The following EFR3B variants were observed in gnomAD, a reference collection of about 807,000 sequenced individuals.
EFR3B encodes the protein protein EFR3 homolog B.
A neutral mutation model predicts 104.7 loss-of-function variants in EFR3B; 64 were observed. That is an observed-to-expected ratio of 0.61 (90% CI 0.50 to 0.75). The LOEUF is 0.75. Among genes scored for constraint, EFR3B ranks in the 30% least tolerant of loss-of-function variants. The probability of loss-of-function intolerance (pLI) is 0.00; values close to 1 mark genes in which losing one functional copy is unlikely to be tolerated. For missense variants in EFR3B, 750 were observed against 1,078.5 expected (o/e 0.70, Z 4.27); for synonymous variants, 385 against 417.9 (o/e 0.92, Z 0.96).
chr2:25,133,468 T>G, intron 12 of EFR3B, 34 bp downstream of exon 12: 1 of 1,548,624 alleles, frequency 6.5e-7, no homozygotes, highest in South Asian at 1.2e-5. Context: ...CTGCTCTTCC[T>G]CTGCAGGAGA....
chr2:25,135,756 G>A, intron 13 of EFR3B, 117 bp downstream of exon 13: 1 of 1,207,694 alleles, frequency 8.3e-7, no homozygotes, highest in South Asian at 1.5e-5. Flanking sequence ...TGAGTATTGT[G>A]GGATCTGAGT....
chr2:25,080,184 CT>C, intron 1 of EFR3B: 1 of 1,547,760 alleles, frequency 6.5e-7, no homozygotes, highest in Non-Finnish European at 8.8e-7. Context: ...TAGCCAGTAC[CT>C]TTTTATCTGA....
chr2:25,103,864 T>C, intron 4 of EFR3B, 77 bp downstream of exon 4: 1 of 1,520,196 alleles, frequency 6.6e-7, no homozygotes, highest in Non-Finnish European at 8.9e-7. Flanking sequence ...GACCTCGGGG[T>C]CGGCACTGTC....
intron 1 of EFR3B, among the ~76,000 whole-genome samples, chr2:25,062,566 G>A (rs567486675): frequency 1.2e-4 from 19 of 152,318 alleles, no homozygotes; most frequent in Non-Finnish European, 1.8e-4. Context: ...GTGCCAGCCC[G>A]CACCAGGGCT....
At chr2:25,047,054 G>T (rs1273314713) in intron 1 of EFR3B, among the ~76,000 whole-genome samples, 1 of 152,120 alleles carries the variant, frequency 6.6e-6, no homozygotes, top group Admixed American at 6.5e-5. Flanking sequence ...TTTCTCTCTT[G>T]CTGCTCACAG....
chr2:25,095,256 TTG>T, intron 3 of EFR3B, among the ~76,000 whole-genome samples: 1 of 152,340 alleles, frequency 6.6e-6, no homozygotes, highest in South Asian at 2.1e-4. Flanking sequence ...TCAATAAAAA[TTG>T]TGTTTATAAA....
intron 1 of EFR3B, among the ~76,000 whole-genome samples, chr2:25,046,087 T>A (rs1199037986): frequency 6.6e-6 from 1 of 152,072 alleles, no homozygotes; most frequent in East Asian, 1.9e-4. Flanking sequence ...GTGAACAACT[T>A]TTTGAAAATG....
chr2:25,140,652 T>G (rs1288020104), intron 16 of EFR3B, among the ~76,000 whole-genome samples: 2 of 152,212 alleles, frequency 1.3e-5, no homozygotes, highest in Non-Finnish European at 2.9e-5. Context: ...AAGATGTCAC[T>G]GTCCATCAGG....
intron 1 of EFR3B, 122 bp from the exon 2 acceptor site, chr2:25,091,203 G>A (rs976547328): frequency 2.3e-6 from 2 of 877,128 alleles, no homozygotes; most frequent in Non-Finnish European, 3.5e-6. Flanking sequence ...TCCAAGGGAG[G>A]GGTCTGTCTG....
At chr2:25,092,874 A>C (rs1573197190) in intron 2 of EFR3B, 129 bp from the exon 3 acceptor site, 1 of 1,198,332 alleles carries the variant, frequency 8.3e-7, no homozygotes, top group Admixed American at 2.7e-5. Flanking sequence ...TGAAACCCAC[A>C]TGTGCTCCGG....
In EFR3B at chr2:25,130,787, G is replaced by A. The variant is rs776932806; in HGVS notation, c.849+157G>A. Reference sequence around the variant, plus strand: ...CTTAAGCTAGCTGTGGAGAAGGGCCGGCTGATTTTATTTCCAGTACATCAC... The same window carrying A: ...CTTAAGCTAGCTGTGGAGAAGGGCCAGCTGATTTTATTTCCAGTACATCAC... On this transcript the variant is annotated intron_variant, in intron 8 of 22. Coordinates refer to ENST00000403714, the MANE Select transcript of EFR3B (RefSeq NM_014971.2). This position sits in a 1 kb window ranked among gnomAD's most constrained non-coding sequence, Gnocchi z 4.6. Among the ~76,000 whole-genome samples the A allele has an allele frequency of 1.8e-4, 28 of 152,138 alleles. No homozygotes were observed. The highest frequency in any genetic ancestry group is 3.1e-4 in the Non-Finnish European group (21 of 68,016).
chr2:25,133,266 G>A, intron 11 of EFR3B, 117 bp from the exon 12 acceptor site: 2 of 1,180,552 alleles, frequency 1.7e-6, no homozygotes, highest in Non-Finnish European at 2.5e-6. Context: ...TCACTGTCCT[G>A]GGTAACCCAA....
intron 19 of EFR3B, chr2:25,147,869 A>G (rs1176538721): frequency 6.6e-6 from 1 of 151,956 alleles, no homozygotes; most frequent in African/African-American, 2.4e-5. Context: ...AAAACTACAA[A>G]AAATTAGCCG....
At position 25,156,287 on chromosome 2, in the gene EFR3B, C is replaced by CTTTTT. The variant is rs1553399103; in HGVS notation, c.*1949_*1950insTTTTT. The CTTTTT allele has an allele frequency of 3.1e-5, 3 of 97,240 alleles. No homozygotes were observed. The highest frequency in any genetic ancestry group is 1.4e-4 in the African/African-American group (3 of 21,800). 6.0% of individuals were successfully genotyped at this position (97,240 alleles called of 1,614,324 possible). On this transcript the variant is annotated 3_prime_UTR_variant, in exon 23 of 23. Transcript: ENST00000403714. ...TGCTGTGGGCACACAGCTTCTTTTT[C>CTTTTT]TTGTTTTTTTTTTTTTTTTTTTTTT...
intron 1 of EFR3B, chr2:25,081,652 G>A: frequency 1.6e-6 from 1 of 615,744 alleles, no homozygotes; most frequent in Non-Finnish European, 2.9e-6. Context: ...AAGGGTAGCT[G>A]CGGCCAACAG....
At chr2:25,071,120 C>T (rs1226553833) in intron 1 of EFR3B, among the ~76,000 whole-genome samples, 1 of 152,044 alleles carries the variant, frequency 6.6e-6, no homozygotes, top group African/African-American at 2.4e-5. Flanking sequence ...GTCACCATGC[C>T]CAGCTAATTT....
chr2:25,115,906 G>A (rs994541557), intron 4 of EFR3B: 1 of 152,242 alleles, frequency 6.6e-6, no homozygotes, highest in South Asian at 2.1e-4. Flanking sequence ...TCTATGAATA[G>A]CCTCTTCTAG....
chr2:25,099,612 G>T (rs1028075473), intron 3 of EFR3B, among the ~76,000 whole-genome samples: 1 of 151,682 alleles, frequency 6.6e-6, no homozygotes, highest in Non-Finnish European at 1.5e-5. Flanking sequence ...TGGTTGCTTG[G>T]TATAGAAGTT....
chr2:25,105,930 T>C (rs936871530), intron 4 of EFR3B, among the ~76,000 whole-genome samples: 14 of 152,252 alleles, frequency 9.2e-5, no homozygotes, highest in Non-Finnish European at 1.6e-4. Flanking sequence ...ATGATTGCTA[T>C]GCTGCAGACA....
Sources: allele counts gnomAD v4.1 joint callset (sites outside exome capture counted in the v4.1 genomes callset), GRCh38; gene constraint gnomAD v4.1.1; non-coding constraint Gnocchi (gnomAD v3.1); transcripts MANE v1.5; gene names NCBI Gene and HGNC (gene_info 2026-07-23, HGNC 2026-07-21).